Variants in LARP4B observed in about 807,000 individuals in gnomAD.
LARP4B encodes La ribonucleoprotein 4B.
Under a neutral mutation model 89.8 loss-of-function variants are expected in LARP4B, and 12 were observed. That is an observed-to-expected ratio of 0.13 (90% CI 0.09 to 0.22). The LOEUF is 0.22. Among genes scored for constraint, LARP4B ranks in the 10% least tolerant of loss-of-function variants. The pLI, the probability that LARP4B is intolerant of heterozygous loss-of-function variation, is 1.00. For synonymous variants in LARP4B, 367 were observed against 363.3 expected (o/e 1.01, Z -0.12); for missense variants, 757 against 947.7 (o/e 0.80, Z 2.64).
chr10:987,003 T>TA, the LARP4B span: 1 of 151,758 alleles, frequency 6.6e-6, no homozygotes, highest in African/African-American at 2.4e-5. Flanking sequence ...TGACTGGACT[T>TA]ATCTAAATAC....
chr10:944,858 A>G, the LARP4B span, among the ~76,000 whole-genome samples: 2 of 152,234 alleles, frequency 1.3e-5, no homozygotes, highest in African/African-American at 2.4e-5. Context: ...ATTCTCTGAC[A>G]CTGTGAATCT....
At chr10:848,256 T>C (rs1833876873) in intron 5 of LARP4B, among the ~76,000 whole-genome samples, 1 of 152,106 alleles carries the variant, frequency 6.6e-6, no homozygotes, top group Non-Finnish European at 1.5e-5. Flanking sequence ...ACACCTAACA[T>C]CTTAAAAACA....
the LARP4B span, among the ~76,000 whole-genome samples, chr10:968,531 T>C: frequency 6.6e-6 from 1 of 151,920 alleles, no homozygotes; most frequent in Admixed American, 6.5e-5. Flanking sequence ...AGAAAGAAGA[T>C]GTGAATGAGG....
intron 1 of LARP4B, among the ~76,000 whole-genome samples, chr10:926,434 A>G (rs955860640): frequency 1.3e-5 from 2 of 152,186 alleles, no homozygotes; most frequent in African/African-American, 4.8e-5. Context: ...TTGCAACACC[A>G]AGGTAGGAGA....
At chr10:969,151 TC>T in the LARP4B span, among the ~76,000 whole-genome samples, 1 of 152,154 alleles carries the variant, frequency 6.6e-6, no homozygotes, top group African/African-American at 2.4e-5. Context: ...GGATAGGATT[TC>T]AGGCAAACAC....
At chr10:823,539 CCTT>C (rs2131629899) in intron 13 of LARP4B, among the ~76,000 whole-genome samples, 1 of 151,952 alleles carries the variant, frequency 6.6e-6, no homozygotes, top group Admixed American at 6.6e-5. Context: ...CCAGGAAACT[CCTT>C]GTGACGCTCG....
intron 11 of LARP4B, among the ~76,000 whole-genome samples, chr10:827,578 C>T (rs1832697787): frequency 6.6e-6 from 1 of 152,136 alleles, no homozygotes; most frequent in Non-Finnish European, 1.5e-5. Flanking sequence ...ATGGAGAGCC[C>T]CAGTATCACA....
intron 1 of LARP4B, among the ~76,000 whole-genome samples, chr10:900,511 T>C (rs1435874934): frequency 2.2e-5 from 3 of 137,212 alleles, no homozygotes; most frequent in African/African-American, 5.4e-5. Context: ...TCTCAATTCA[T>C]TGCAGCCTCG....
At chr10:813,559 A>G (rs1831855699) in intron 17 of LARP4B, among the ~76,000 whole-genome samples, 1 of 152,240 alleles carries the variant, frequency 6.6e-6, no homozygotes, top group Non-Finnish European at 1.5e-5. Context: ...TCAGGACAAC[A>G]GAAGGGTGTC....
the LARP4B span, among the ~76,000 whole-genome samples, chr10:977,625 G>A: frequency 1.3e-5 from 2 of 151,870 alleles, no homozygotes; most frequent in Non-Finnish European, 2.9e-5. Context: ...GTGAGCCAAC[G>A]TGCTGGCCTA....
At chr10:849,121 A>G (rs1833920316) in intron 5 of LARP4B, among the ~76,000 whole-genome samples, 1 of 152,116 alleles carries the variant, frequency 6.6e-6, no homozygotes, top group African/African-American at 2.4e-5. Flanking sequence ...ACGCAAAGAA[A>G]TCATTAAAAC....
chr10:964,398 A>G, the LARP4B span, among the ~76,000 whole-genome samples: 1 of 147,562 alleles, frequency 6.8e-6, no homozygotes, highest in African/African-American at 2.5e-5. Context: ...TTTTAGTAAT[A>G]TTTTAGTAAC....
intron 1 of LARP4B, among the ~76,000 whole-genome samples, chr10:913,782 G>A (rs1271752064): frequency 1.3e-5 from 2 of 152,112 alleles, no homozygotes; most frequent in African/African-American, 4.8e-5. Flanking sequence ...GGCAGCGCAC[G>A]CCTGTAGTCC....
At chr10:827,126 A>G (rs1444023928) in intron 11 of LARP4B, among the ~76,000 whole-genome samples, 1 of 152,068 alleles carries the variant, frequency 6.6e-6, no homozygotes, top group Non-Finnish European at 1.5e-5. Flanking sequence ...ATACAAAAAA[A>G]TTATCCGGGC....
the LARP4B span, among the ~76,000 whole-genome samples, chr10:960,707 CAAAAAAAAAAAAAAAAAA>C: frequency 1.5e-5 from 1 of 65,884 alleles, no homozygotes; most frequent in African/African-American, 6.6e-5. Context: ...GACTCTGTCT[CAAAAAAAAAAAAAAAAAA>C]AAAAAAAAAA....
intron 5 of LARP4B, among the ~76,000 whole-genome samples, chr10:846,859 G>A (rs1040220851): frequency 1.3e-5 from 2 of 152,170 alleles, no homozygotes; most frequent in Non-Finnish European, 2.9e-5. Flanking sequence ...CAGGAGGCAA[G>A]CGCATGAGGG....
chr10:960,707 CAAAAAAAAAAAAAA>C, the LARP4B span, among the ~76,000 whole-genome samples: 1 of 65,884 alleles, frequency 1.5e-5, no homozygotes, highest in South Asian at 7.3e-4. Context: ...GACTCTGTCT[CAAAAAAAAAAAAAA>C]AAAAAAAAAA....
At chr10:879,499 T>C (rs913310785) in intron 3 of LARP4B, among the ~76,000 whole-genome samples, 3 of 148,554 alleles carry the variant, frequency 2.0e-5, no homozygotes, top group African/African-American at 7.7e-5. Flanking sequence ...CTTAGGTCTT[T>C]TGTTTTTATT....
In LARP4B at chr10:834,628, A is replaced by G. The variant is rs183877468; in HGVS notation, c.750+1775T>C. On this transcript the variant is annotated intron_variant, in intron 8 of 17. Coordinates refer to ENST00000316157, the MANE Select transcript of LARP4B (RefSeq NM_015155.3). Reference sequence around the variant, plus strand: ...TTCCCCAACTTTTAATTTATCAAAGAGTTTCCTTTAAACCTTCTCTCTTAA... The same window carrying G: ...TTCCCCAACTTTTAATTTATCAAAGGGTTTCCTTTAAACCTTCTCTCTTAA... Among the ~76,000 whole-genome samples, 94 of 152,244 alleles carry G rather than the reference A, an allele frequency of 6.2e-4. 2 individuals carry two copies. Among genetic ancestry groups the G allele is most frequent in the Admixed American group, 1.6e-3 (25 of 15,296 alleles).
Sources: gnomAD v4.1 joint callset for allele counts (sites outside exome capture counted in the v4.1 genomes callset) on GRCh38, gnomAD v4.1.1 for gene constraint, MANE v1.5 for transcripts, NCBI Gene and HGNC (gene_info 2026-07-23, HGNC 2026-07-21) for gene names.